The following ZNF548 variants were observed in gnomAD, a reference collection of about 807,000 sequenced individuals.
ZNF548 encodes the protein zinc finger protein 548.
Under a neutral mutation model 10.2 loss-of-function variants are expected in ZNF548, and 10 were observed. The observed-to-expected ratio is 0.98, with a 90% CI of 0.60 to 1.66. The LOEUF is 1.66. Ranked by LOEUF, ZNF548 falls within the 40% of genes most tolerant of loss-of-function variation. The probability of loss-of-function intolerance (pLI) is 0.00; values close to 1 mark genes in which losing one functional copy is unlikely to be tolerated. For missense variants in ZNF548, 599 were observed against 657.0 expected, an observed-to-expected ratio of 0.91 and a Z score of 0.97; for synonymous variants, 217 against 223.5, an observed-to-expected ratio of 0.97 and a Z score of 0.26.
rs1381499942 is a variant in ZNF548, at chr19:57,399,630, C to G, written c.1379C>G (p.Pro460Arg). 1 of 1,613,936 alleles carries G rather than the reference C, an allele frequency of 6.2e-7. No homozygotes were observed. The highest frequency in any genetic ancestry group is 8.5e-7 in the Non-Finnish European group (1 of 1,179,982). The change falls in exon 4 of 4, where the codon CCT becomes CGT. Residue 460 changes from proline to arginine, a missense_variant. Physicochemically the swap from Pro to Arg is moderately radical, Grantham distance 103. Coordinates refer to ENST00000336128, the MANE Select transcript of ZNF548 (RefSeq NM_001172773.2). The surrounding 1 kb of genome is among the most constrained non-coding windows in gnomAD (Gnocchi z 4.0). The stretch of plus-strand genomic sequence containing the variant: ...TGGAGAAATCACACTGGAGAAAGGC[C>G]TTACGAGTGCAGAGAGTGTGGGAAA... ...KHWRNHTGER[P>R]YECRECGKAF...
Position 57,400,008 on chromosome 19 carries a change from C to G in ZNF548, c.*119C>G. 6 of 755,364 alleles carry G rather than the reference C, an allele frequency of 7.9e-6. No homozygotes were observed. The highest frequency in any genetic ancestry group is 1.2e-5 in the Non-Finnish European group (6 of 481,636). 46.8% of individuals were successfully genotyped at this position (755,364 alleles called of 1,614,324 possible). A position where few individuals can be genotyped will look rare whatever the true frequency, so the allele number is the denominator to read the frequency against. On this transcript the variant is annotated 3_prime_UTR_variant, in exon 4 of 4. Transcript: ENST00000336128. The stretch of plus-strand genomic sequence containing the variant: ...GTACCCATTAACAACAACTCATTCC[C>G]CTTCCCTACTTCCCCAGAAATGTCT...
In ZNF548 at chr19:57,399,355, G is replaced by C. The variant is rs1189440997; in HGVS notation, c.1104G>C (p.Gln368His). The change falls in exon 4 of 4, where the codon CAG (glutamine) becomes CAC (histidine). Residue 368 changes from glutamine (Q) to histidine (H), a missense_variant. Gln to His is a conservative substitution (Grantham distance 24). Transcript: ENST00000336128. The surrounding 1 kb of genome is among the most constrained non-coding windows in gnomAD (Gnocchi z 4.0). ...ATATCTCCACACTCATTAGACATCA[G>C]AGAATTCACACTGGAGAAAGGCCTT... Reference protein sequence around the residue: ...FRYISTLIRHQRIHTGERPYE... With the variant: ...FRYISTLIRHHRIHTGERPYE... 1 of 1,614,158 alleles carries C rather than the reference G, an allele frequency of 6.2e-7. No homozygotes were observed. The highest frequency in any genetic ancestry group is 1.7e-5 in the Admixed American group (1 of 60,032).
rs891240413 is a variant in ZNF548 at position 57,396,335 on chromosome 19, A to G, written c.52-713A>G. Among the ~76,000 whole-genome samples the G allele has an allele frequency of 3.9e-5, 6 of 152,284 alleles. No homozygotes were observed. The East Asian group carries it at 9.7e-4, about 24-fold the overall frequency. On this transcript the variant is annotated intron_variant, in intron 2 of 3. Coordinates refer to ENST00000336128, the MANE Select transcript of ZNF548 (RefSeq NM_001172773.2). ...ATGGATCCCCCCACGGGAGGCCCAC[A>G]TTCCTTTTCTACCTTATCTTCCATC...
At chr19:57,398,355 G>A in intron 3 of ZNF548, 75 bp from the exon 4 acceptor site, 1 of 1,570,434 alleles carries the variant, frequency 6.4e-7, no homozygotes, top group Admixed American at 1.8e-5. Context: ...GTGTGTGCCT[G>A]ACACACATTT....
chr19:57,397,382 C>A, intron 3 of ZNF548: 2 of 701,776 alleles, frequency 2.8e-6, no homozygotes, highest in Non-Finnish European at 4.3e-6. Context: ...CTGAGGCTTA[C>A]AAGAAAGGGC....
intron 1 of ZNF548, among the ~76,000 whole-genome samples, chr19:57,391,788 T>TG (rs761044475): frequency 0.014 from 1,745 of 121,970 alleles, 23 homozygotes; most frequent in Non-Finnish European, 0.024. Context: ...CTGTGCTTAC[T>TG]GTTTTTTTTT....
chr19:57,393,963 G>C (rs937322932), intron 1 of ZNF548: 35 of 616,820 alleles, frequency 5.7e-5, no homozygotes, highest in Non-Finnish European at 8.8e-5. Context: ...AGCCCTGTGA[G>C]GGGGCAGCTA....
At chr19:57,391,550 A>G (rs1270201333) in intron 1 of ZNF548, among the ~76,000 whole-genome samples, 1 of 152,028 alleles carries the variant, frequency 6.6e-6, no homozygotes, top group East Asian at 1.9e-4. Flanking sequence ...ACTGTTTTCC[A>G]TTGAGGTTGT....
chr19:57,401,631 C>T lies in ZNF548; in HGVS notation c.*1742C>T, dbSNP rs1262623733. On this transcript the variant is annotated 3_prime_UTR_variant, in exon 4 of 4. Coordinates refer to ENST00000336128, the MANE Select transcript of ZNF548 (RefSeq NM_001172773.2). ...TCTATTTTTACTTCTGTTACCTGGG[C>T]TTTTGATGTTATATATTAAAAAAAA... 1 of 151,548 alleles carries T rather than the reference C, an allele frequency of 6.6e-6. No homozygotes were observed. The highest frequency in any genetic ancestry group is 1.5e-5 in the Non-Finnish European group (1 of 67,964). 9.4% of individuals were successfully genotyped at this position (151,548 alleles called of 1,614,324 possible).
In ZNF548 at chr19:57,399,697, CCA is replaced by C. The variant is rs1568533534; in HGVS notation, c.1449_1450del (p.His483GlnfsTer7). The C allele has an allele frequency of 6.2e-7, 1 of 1,614,018 alleles. No homozygotes were observed. Among genetic ancestry groups the C allele is most frequent in the South Asian group, 1.1e-5 (1 of 91,070 alleles). ...ATATACTTGTTGAGCACCAGAAAAT[CCA>C]CAGTGGAGAAAGACCTTATGAGTGC... ...KHILVEHQKI[H>X]SGERPYECSE... On this transcript the variant is annotated frameshift_variant, in exon 4 of 4. Coordinates refer to ENST00000336128, the MANE Select transcript of ZNF548 (RefSeq NM_001172773.2). LOFTEE classifies it low-confidence loss of function (END_TRUNC). This position sits in a 1 kb window ranked among gnomAD's most constrained non-coding sequence, Gnocchi z 4.0.
At position 57,398,686 on chromosome 19, in the gene ZNF548, G is replaced by A. The variant is rs947480851; in HGVS notation, c.435G>A (p.Gly145=). 1.2e-6 allele frequency: 2 copies of A among 1,613,924 alleles called. No homozygotes were observed. Among genetic ancestry groups the A allele is most frequent in the African/African-American group, 2.7e-5 (2 of 74,926 alleles). ...KQQIGENLSR[G]DDWIPSFGKN... ...AAATTGGAGAAAATCTTTCCAGAGG[G>A]GATGATTGGATACCTTCATTTGGGA... The change falls in exon 4 of 4, where the codon GGG becomes GGA. Residue 145 remains glycine (G), a synonymous_variant. Transcript: ENST00000336128.
chr19:57,399,384 A>T lies in ZNF548; in HGVS notation c.1133A>T (p.Glu378Val), dbSNP rs2088695312. Residue 378 changes from glutamate to valine, a missense_variant, in exon 4 of 4, where the codon GAG becomes GTG. Transcript: ENST00000336128. This position sits in a 1 kb window ranked among gnomAD's most constrained non-coding sequence, Gnocchi z 4.0. ...QRIHTGERPY[E>V]CSVCGELFRY... ...ATTCACACTGGAGAAAGGCCTTATG[A>T]GTGCAGTGTATGTGGGGAATTGTTT... 1.2e-6 allele frequency: 2 copies of T among 1,614,236 alleles called. No individual in the cohort carries two copies. Among genetic ancestry groups the T allele is most frequent in the East Asian group, 2.2e-5 (1 of 44,880 alleles).
intron 3 of ZNF548, 123 bp downstream of exon 3, chr19:57,397,297 A>C (rs773210059): frequency 1.4e-6 from 2 of 1,382,326 alleles, no homozygotes; most frequent in African/African-American, 2.9e-5. Context: ...GTTTCTTGGC[A>C]TATATGCTGT....
At position 57,398,836 on chromosome 19, in the gene ZNF548, C is replaced by T; in HGVS notation, c.585C>T (p.Asp195=). Reference sequence around the variant, plus strand: ...AAAGCGAGTGGAAGCCATACAGGGACACAGAGGACAGAGAAGCCTTTCAGA... The same window carrying T: ...AAAGCGAGTGGAAGCCATACAGGGATACAGAGGACAGAGAAGCCTTTCAGA... The part of the protein sequence containing the change: ...GPQSEWKPYR[D]TEDREAFQTG... The change falls in exon 4 of 4, where the codon GAC becomes GAT. Residue 195 remains aspartate (D), a synonymous_variant. Transcript: ENST00000336128. The T allele has an allele frequency of 6.2e-7, 1 of 1,614,002 alleles. No homozygotes were observed. Among genetic ancestry groups the T allele is most frequent in the Non-Finnish European group, 8.5e-7 (1 of 1,179,906 alleles).
Position 57,399,877 on chromosome 19 carries a change from A to G in ZNF548, c.1626A>G (p.Lys542=). Residue 542 remains lysine (K), a synonymous_variant, in exon 4 of 4, where the codon AAA becomes AAG. Transcript: ENST00000336128. The surrounding 1 kb of genome is among the most constrained non-coding windows in gnomAD (Gnocchi z 4.0). ...ACATCAGAGATTTCACAATGGAGAA[A>G]GTTTACCATTGACTATTGTAATTGG... is the stretch of plus-strand genomic sequence containing the variant. ...SLNIRDFTME[K]VYH The G allele has an allele frequency of 1.3e-6, 2 of 1,593,894 alleles. No homozygotes were observed. The highest frequency in any genetic ancestry group is 1.1e-5 in the South Asian group (1 of 89,668).
At chr19:57,394,161 T>A in intron 1 of ZNF548, 27 bp from the exon 2 acceptor site, 1 of 1,598,504 alleles carries the variant, frequency 6.3e-7, no homozygotes, top group South Asian at 1.1e-5. Flanking sequence ...TGGCTGTCAA[T>A]TTCTCACGGC....
chr19:57,393,854 A>G (rs541289442), intron 1 of ZNF548, among the ~76,000 whole-genome samples: 2 of 152,058 alleles, frequency 1.3e-5, no homozygotes, highest in South Asian at 2.1e-4. Flanking sequence ...TCAAAACCCC[A>G]CTCTTTCATT....
At chr19:57,390,298 A>C (rs1360065290) in intron 1 of ZNF548, 184 bp downstream of exon 1, 7 of 565,430 alleles carry the variant, frequency 1.2e-5, no homozygotes, top group Non-Finnish European at 2.1e-5. Context: ...CAGAGCATGG[A>C]GGCGCTGCCG....
Position 57,391,833 on chromosome 19 carries a change from G to A in ZNF548, c.15+1719G>A, listed in dbSNP as rs575539640. ...TTTTGAAATGGAGTCTCGCTCCGTCGCCCAGGCTGGAGTGCAGTGGCGCGA... is the reference window on the plus strand; with the variant it reads ...TTTTGAAATGGAGTCTCGCTCCGTCACCCAGGCTGGAGTGCAGTGGCGCGA... On this transcript the variant is annotated intron_variant, in intron 1 of 3. Coordinates refer to ENST00000336128, the MANE Select transcript of ZNF548 (RefSeq NM_001172773.2). 2.4e-5 allele frequency among the ~76,000 whole-genome samples: 3 copies of A among 122,880 alleles called. No individual in the cohort carries two copies. The East Asian group carries it at 7.7e-4, about 32-fold the overall frequency. 80.6% of individuals were successfully genotyped at this position (122,880 alleles called of 152,430 possible). A position where few individuals can be genotyped will look rare whatever the true frequency, so the allele number is the denominator to read the frequency against.
Sources: gnomAD v4.1 joint callset for allele counts (sites outside exome capture counted in the v4.1 genomes callset) on GRCh38, gnomAD v4.1.1 for gene constraint, Gnocchi (gnomAD v3.1) non-coding constraint, MANE v1.5 for transcripts, NCBI Gene and HGNC (gene_info 2026-07-23, HGNC 2026-07-21) for gene names.